Variants in LIN28B observed in about 807,000 individuals in gnomAD.
LIN28B encodes lin-28 RNA binding posttranscriptional regulator B.
Under a neutral mutation model 21.9 loss-of-function variants are expected in LIN28B, and 5 were observed. The observed-to-expected ratio is 0.23, with a 90% CI of 0.12 to 0.48. The LOEUF (loss-of-function observed/expected upper bound fraction) is 0.48. Among genes scored for constraint, LIN28B ranks in the 20% least tolerant of loss-of-function variants. The pLI, the probability that LIN28B is intolerant of heterozygous loss-of-function variation, is 0.98. For missense variants in LIN28B, 245 were observed against 310.5 expected (o/e 0.79, Z 1.58); for synonymous variants, 109 against 111.3 (o/e 0.98, Z 0.13).
intron 2 of LIN28B, among the ~76,000 whole-genome samples, chr6:104,989,463 T>C (rs1770414139): frequency 1.3e-5 from 2 of 151,872 alleles, no homozygotes; most frequent in Admixed American, 1.3e-4. Flanking sequence ...CCTCAAGCAG[T>C]CCGCCCACCT....
intron 3 of LIN28B, among the ~76,000 whole-genome samples, chr6:105,026,959 G>A (rs932846963): frequency 1.8e-4 from 27 of 152,010 alleles, no homozygotes; most frequent in Non-Finnish European, 1.5e-5. Flanking sequence ...TTTGAAACTT[G>A]TAATTTTTTT....
chr6:104,998,426 T>C (rs1770655970), intron 2 of LIN28B, among the ~76,000 whole-genome samples: 1 of 152,202 alleles, frequency 6.6e-6, no homozygotes. Context: ...GGTTTAATTT[T>C]ATTCTTTGTA....
chr6:105,047,193 T>C (rs1316564030), intron 3 of LIN28B, among the ~76,000 whole-genome samples: 1 of 152,222 alleles, frequency 6.6e-6, no homozygotes, highest in Non-Finnish European at 1.5e-5. Context: ...TTAATTTTTG[T>C]ATAAGGTGTA....
At chr6:104,993,629 AG>A (rs1183094679) in intron 2 of LIN28B, among the ~76,000 whole-genome samples, 1 of 151,914 alleles carries the variant, frequency 6.6e-6, no homozygotes, top group Non-Finnish European at 1.5e-5. Flanking sequence ...CGAGGCCAGG[AG>A]TTCAAGACCA....
chr6:105,010,649 A>G (rs1364444873), intron 2 of LIN28B, among the ~76,000 whole-genome samples: 1 of 152,222 alleles, frequency 6.6e-6, no homozygotes. Flanking sequence ...TTTCAAAAGA[A>G]GCTGCAGACA....
intron 2 of LIN28B, among the ~76,000 whole-genome samples, chr6:104,967,576 C>CAAAAAA (rs71003462): frequency 1.2e-4 from 7 of 60,718 alleles, no homozygotes; most frequent in African/African-American, 1.5e-4. Flanking sequence ...AACTCCCTCT[C>CAAAAAA]AAAAAAAAAA....
In LIN28B at chr6:105,050,608, CAAAAAAA is replaced by C. The variant is rs61464567; in HGVS notation, c.383+24146_383+24152del. Among the ~76,000 whole-genome samples the C allele has an allele frequency of 2.0e-3, 97 of 47,604 alleles. 1 individual carries two copies. The highest frequency in any genetic ancestry group is 8.1e-3 in the South Asian group (5 of 616). 31.2% of individuals were successfully genotyped at this position (47,604 alleles called of 152,430 possible). ...TGGGCGACAGAGCGAGACTCCGTCT[CAAAAAAA>C]AAAAAAAAAAAAAAAAAAAGAATGT... On this transcript the variant is annotated intron_variant, in intron 3 of 3. Transcript: ENST00000345080.
chr6:104,978,732 A>G (rs999193409), intron 2 of LIN28B, among the ~76,000 whole-genome samples: 1 of 152,180 alleles, frequency 6.6e-6, no homozygotes, highest in Non-Finnish European at 1.5e-5. Context: ...ATTGGCACCA[A>G]AGATTTTTGT....
intron 2 of LIN28B, among the ~76,000 whole-genome samples, chr6:105,009,810 A>G (rs111277054): frequency 1.1e-3 from 167 of 152,338 alleles, no homozygotes; most frequent in African/African-American, 3.8e-3. Context: ...TGATGTCTAT[A>G]TCATTTTCCT....
At chr6:105,058,099 C>T in intron 3 of LIN28B, 2 of 410,316 alleles carry the variant, frequency 4.9e-6, no homozygotes, top group Admixed American at 2.9e-5. Context: ...CTTGACGGTG[C>T]ATTTTCTCTG....
exon 3 of LIN28B, chr6:104,950,499 A>G (rs75733681): frequency 0.021 from 26,358 of 1,227,676 alleles, 348 homozygotes; most frequent in Non-Finnish European, 0.024. Flanking sequence ...ACCAGGTTTC[A>G]TCAGCCCCAG....
At chr6:105,050,924 C>T (rs1771888795) in intron 3 of LIN28B, among the ~76,000 whole-genome samples, 2 of 150,954 alleles carry the variant, frequency 1.3e-5, no homozygotes. Context: ...TGCTTTAAAA[C>T]ATATATAGGG....
chr6:104,996,857 C>T (rs1309070867), intron 2 of LIN28B, among the ~76,000 whole-genome samples: 2 of 152,168 alleles, frequency 1.3e-5, no homozygotes, highest in African/African-American at 2.4e-5. Flanking sequence ...GGGGCATGCA[C>T]CCGTGGTCCC....
chr6:105,046,897 T>A (rs1022177397), intron 3 of LIN28B, among the ~76,000 whole-genome samples: 10 of 152,094 alleles, frequency 6.6e-5, no homozygotes, highest in South Asian at 4.2e-4. Context: ...GTTTGAGTTC[T>A]TTGTAGATTC....
At chr6:104,997,151 C>G (rs1051083796) in intron 2 of LIN28B, among the ~76,000 whole-genome samples, 4 of 151,818 alleles carry the variant, frequency 2.6e-5, no homozygotes, top group African/African-American at 9.7e-5. Context: ...CATGGTGGCA[C>G]ACACCTGTAG....
chr6:105,075,761 T>C (rs368033174), intron 3 of LIN28B, among the ~76,000 whole-genome samples: 1 of 152,174 alleles, frequency 6.6e-6, no homozygotes, highest in East Asian at 1.9e-4. Context: ...GGTCAATGAG[T>C]GGGCAAAATG....
At chr6:104,980,012 C>G (rs1281440912) in intron 2 of LIN28B, among the ~76,000 whole-genome samples, 1 of 152,078 alleles carries the variant, frequency 6.6e-6, no homozygotes, top group East Asian at 1.9e-4. Context: ...ACATGAGAAA[C>G]ATAGAAAGGA....
intron 2 of LIN28B, among the ~76,000 whole-genome samples, chr6:104,979,569 T>C (rs969504691): frequency 5.9e-5 from 9 of 151,982 alleles, no homozygotes; most frequent in Non-Finnish European, 1.3e-4. Context: ...GCTTACCCTT[T>C]GGTATATTTT....
chr6:104,987,041 A>G (rs564003818), intron 2 of LIN28B, among the ~76,000 whole-genome samples: 3 of 152,338 alleles, frequency 2.0e-5, no homozygotes, highest in Admixed American at 2.0e-4. Context: ...CAAGTAAAAC[A>G]TTAAGTTTAG....
Sources: allele counts gnomAD v4.1 joint callset (sites outside exome capture counted in the v4.1 genomes callset), GRCh38; gene constraint gnomAD v4.1.1; transcripts MANE v1.5; gene names NCBI Gene and HGNC (gene_info 2026-07-23, HGNC 2026-07-21).